Variants in IGSF21 observed in about 807,000 individuals in gnomAD.
IGSF21 encodes immunoglobulin superfamily member 21.
IGSF21 carries 28 observed loss-of-function variants against 46.8 expected under a neutral mutation model. The ratio of observed to expected loss-of-function variants is 0.60; its 90% confidence interval spans 0.44 to 0.82. The LOEUF (loss-of-function observed/expected upper bound fraction) is 0.82, where lower values mean the gene tolerates loss of function less well. Ranked by LOEUF, IGSF21 falls within the 40% of genes least tolerant of loss-of-function variation. IGSF21 has a pLI of 0.00. For synonymous variants in IGSF21, 284 were observed against 273.6 expected (o/e 1.04, Z -0.38); for missense variants, 624 against 665.5 (o/e 0.94, Z 0.69).
chr1:18,342,116 G>C (rs1222946550), intron 4 of IGSF21, among the ~76,000 whole-genome samples: 1 of 150,402 alleles, frequency 6.6e-6, no homozygotes, highest in African/African-American at 2.5e-5. Context: ...TTTGTCTTGA[G>C]ACAGTCTTGC....
chr1:18,179,769 C>T (rs2086838896), intron 1 of IGSF21, among the ~76,000 whole-genome samples: 1 of 152,046 alleles, frequency 6.6e-6, no homozygotes, highest in Non-Finnish European at 1.5e-5. Context: ...AAACTCAGAT[C>T]CCATCCTTTA....
chr1:18,246,523 C>T (rs973256444), intron 2 of IGSF21, among the ~76,000 whole-genome samples: 2 of 152,070 alleles, frequency 1.3e-5, no homozygotes, highest in Non-Finnish European at 2.9e-5. Context: ...GTGGTCTTGT[C>T]CCCTCTGGCT....
intron 2 of IGSF21, among the ~76,000 whole-genome samples, chr1:18,232,789 A>T (rs555228705): frequency 1.3e-4 from 20 of 152,256 alleles, no homozygotes; most frequent in Non-Finnish European, 2.4e-4. Flanking sequence ...TTAACAAATC[A>T]TGGAGCTATA....
At chr1:18,227,847 C>T (rs1458983069) in intron 1 of IGSF21, 51 bp from the exon 2 acceptor site, 1 of 1,365,432 alleles carries the variant, frequency 7.3e-7, no homozygotes, top group African/African-American at 1.4e-5. Flanking sequence ...ATCAGCCCAG[C>T]CCCTCTGATC....
chr1:18,122,106 A>G lies in IGSF21; in HGVS notation c.70+13908A>G, dbSNP rs189386675. ...GCCTGGACACACTGCAGAGATTGCCAAAGAAACCTCAGTCACCCTCTTCAC... is the reference window on the plus strand; with the variant it reads ...GCCTGGACACACTGCAGAGATTGCCGAAGAAACCTCAGTCACCCTCTTCAC... On this transcript the variant is annotated intron_variant, in intron 1 of 9. Coordinates refer to ENST00000251296, the MANE Select transcript of IGSF21 (RefSeq NM_032880.5). 6.3e-3 allele frequency among the ~76,000 whole-genome samples: 952 copies of G among 152,160 alleles called. 9 individuals are homozygous for G. The highest frequency in any genetic ancestry group is 8.1e-3 in the Non-Finnish European group (548 of 68,002).
intron 3 of IGSF21, among the ~76,000 whole-genome samples, chr1:18,326,461 G>C (rs2085659171): frequency 6.6e-6 from 1 of 152,186 alleles, no homozygotes; most frequent in Non-Finnish European, 1.5e-5. Flanking sequence ...CAGCCCTTTA[G>C]AAGCTTGGTT....
chr1:18,198,990 T>A (rs921813349), intron 1 of IGSF21, among the ~76,000 whole-genome samples: 1 of 152,058 alleles, frequency 6.6e-6, no homozygotes, highest in Admixed American at 6.5e-5. Context: ...CCCCTGGGAC[T>A]CTCTGTCTTT....
chr1:18,215,101 G>A (rs2124494521), intron 1 of IGSF21, among the ~76,000 whole-genome samples: 1 of 152,234 alleles, frequency 6.6e-6, no homozygotes, highest in Non-Finnish European at 1.5e-5. Flanking sequence ...GAACAGCATG[G>A]GAGAAATCTG....
intron 2 of IGSF21, among the ~76,000 whole-genome samples, chr1:18,272,707 C>G (rs898684676): frequency 1.3e-5 from 2 of 152,232 alleles, no homozygotes; most frequent in African/African-American, 4.8e-5. Flanking sequence ...TGCCAGGGAC[C>G]TGGCTGCCCT....
At chr1:18,191,858 C>T (rs889202740) in intron 1 of IGSF21, among the ~76,000 whole-genome samples, 13 of 152,166 alleles carry the variant, frequency 8.5e-5, no homozygotes, top group Non-Finnish European at 1.3e-4. Context: ...CCGGCTGCCT[C>T]AGCAGGTCTC....
chr1:18,243,657 G>T (rs1031413090), intron 2 of IGSF21, among the ~76,000 whole-genome samples: 2 of 152,110 alleles, frequency 1.3e-5, no homozygotes, highest in Admixed American at 6.5e-5. Flanking sequence ...ACCCGGTCTG[G>T]CACTGCCCCT....
chr1:18,140,750 C>T (rs2086408370), intron 1 of IGSF21, among the ~76,000 whole-genome samples: 1 of 152,218 alleles, frequency 6.6e-6, no homozygotes, highest in African/African-American at 2.4e-5. Flanking sequence ...CTTGGCTTGG[C>T]AGGGGGGATC....
chr1:18,176,477 A>G (rs923902404), intron 1 of IGSF21, among the ~76,000 whole-genome samples: 2 of 152,214 alleles, frequency 1.3e-5, no homozygotes, highest in Admixed American at 1.3e-4. Context: ...CATCTGCAAA[A>G]GGAGTCAGTC....
intron 3 of IGSF21, among the ~76,000 whole-genome samples, chr1:18,312,348 A>G (rs933824690): frequency 2.0e-5 from 3 of 152,238 alleles, no homozygotes; most frequent in African/African-American, 7.2e-5. Context: ...TTAGCCCAGT[A>G]GGAACTCAGT....
At position 18,292,672 on chromosome 1, in the gene IGSF21, C is replaced by T. The variant is rs534640822; in HGVS notation, c.305+685C>T. 2.9e-4 allele frequency among the ~76,000 whole-genome samples: 44 copies of T among 152,312 alleles called. 1 individual carries two copies. The South Asian group carries it at 8.3e-3, about 29-fold the overall frequency. ...CCTGTTTTATCCCTTTGACCCTTAA[C>T]ACACACCGGTCCCTCTTCTCAAAGG... On this transcript the variant is annotated intron_variant, in intron 3 of 9. Transcript: ENST00000251296.
At chr1:18,180,056 C>T (rs1557574900) in intron 1 of IGSF21, among the ~76,000 whole-genome samples, 1 of 152,180 alleles carries the variant, frequency 6.6e-6, no homozygotes, top group South Asian at 2.1e-4. Flanking sequence ...GAGGTTCTTC[C>T]TGGCTTTTGG....
intron 1 of IGSF21, among the ~76,000 whole-genome samples, chr1:18,191,772 C>T (rs1005595561): frequency 3.3e-5 from 5 of 152,120 alleles, no homozygotes; most frequent in South Asian, 2.1e-4. Flanking sequence ...GGGCTTCATC[C>T]GGTCCCTGCC....
chr1:18,180,972 C>T (rs1013196861), intron 1 of IGSF21, among the ~76,000 whole-genome samples: 2 of 152,194 alleles, frequency 1.3e-5, no homozygotes, highest in Non-Finnish European at 2.9e-5. Context: ...CTAAGCAGAT[C>T]TGTTTTCCCC....
chr1:18,350,155 A>G (rs2085936934), intron 4 of IGSF21, among the ~76,000 whole-genome samples: 1 of 152,156 alleles, frequency 6.6e-6, no homozygotes, highest in South Asian at 2.1e-4. Flanking sequence ...GGCCACAGGC[A>G]GAGAGGGAAG....
Sources: gnomAD v4.1 joint callset for allele counts (sites outside exome capture counted in the v4.1 genomes callset) on GRCh38, gnomAD v4.1.1 for gene constraint, MANE v1.5 for transcripts, NCBI Gene and HGNC (gene_info 2026-07-23, HGNC 2026-07-21) for gene names.